Variants in SLC25A20 observed in about 807,000 individuals in gnomAD.
SLC25A20 encodes mitochondrial carnitine/acylcarnitine carrier protein.
SLC25A20 carries 29 observed loss-of-function variants against 39.7 expected under a neutral mutation model. That is an observed-to-expected ratio of 0.73 (90% CI 0.54 to 1.00). The LOEUF (loss-of-function observed/expected upper bound fraction) is 1.00, where lower values mean the gene tolerates loss of function less well. Ranked by LOEUF, SLC25A20 falls within the 50% of genes least tolerant of loss-of-function variation. SLC25A20 has a pLI of 0.00. For synonymous variants in SLC25A20, 103 were observed against 142.2 expected, an observed-to-expected ratio of 0.72 and a Z score of 1.96; for missense variants, 333 against 379.9, an observed-to-expected ratio of 0.88 and a Z score of 1.03.
At chr3:48,880,479 G>C (rs902660652) in intron 3 of SLC25A20, among the ~76,000 whole-genome samples, 2 of 149,818 alleles carry the variant, frequency 1.3e-5, no homozygotes, top group Non-Finnish European at 3.0e-5. Context: ...GTTTCACTAT[G>C]TTAGCTAAGA....
chr3:48,858,203 G>A (rs559099646), intron 8 of SLC25A20, among the ~76,000 whole-genome samples: 1 of 151,822 alleles, frequency 6.6e-6, no homozygotes. Context: ...CCTGACCTCA[G>A]ATGATCCACC....
chr3:48,898,592 G>T, intron 1 of SLC25A20, 98 bp downstream of exon 1: 1 of 1,067,302 alleles, frequency 9.4e-7, no homozygotes, highest in Non-Finnish European at 1.4e-6. Flanking sequence ...GCTCACACAT[G>T]CCCCTCTTCT....
chr3:48,861,386 C>T (rs943177789), intron 5 of SLC25A20, among the ~76,000 whole-genome samples: 2 of 152,104 alleles, frequency 1.3e-5, no homozygotes, highest in South Asian at 2.1e-4. Context: ...CTGCTCTGGG[C>T]CAAGCACTGG....
chr3:48,864,317 C>T (rs1172363695), intron 4 of SLC25A20, among the ~76,000 whole-genome samples: 1 of 129,146 alleles, frequency 7.7e-6, no homozygotes, highest in Non-Finnish European at 1.6e-5. Context: ...CACTGCACTC[C>T]AGCCTGGGTG....
intron 4 of SLC25A20, among the ~76,000 whole-genome samples, chr3:48,863,458 G>A (rs1034197124): frequency 1.3e-5 from 2 of 152,150 alleles, no homozygotes; most frequent in African/African-American, 4.8e-5. Flanking sequence ...GAGGGCCAAA[G>A]AGAGGCTCCT....
chr3:48,858,877 C>G (rs550035816), intron 7 of SLC25A20, among the ~76,000 whole-genome samples: 6 of 152,178 alleles, frequency 3.9e-5, no homozygotes, highest in Non-Finnish European at 5.9e-5. Flanking sequence ...GTGGACTTGA[C>G]TTCTTATCAC....
chr3:48,860,039 A>T (rs1316946334), intron 5 of SLC25A20, among the ~76,000 whole-genome samples: 1 of 152,212 alleles, frequency 6.6e-6, no homozygotes, highest in African/African-American at 2.4e-5. Context: ...ATAGTGGCTC[A>T]TGCCTTTAAT....
chr3:48,864,098 C>A (rs1290316371), intron 4 of SLC25A20, among the ~76,000 whole-genome samples: 2 of 151,826 alleles, frequency 1.3e-5, no homozygotes, highest in East Asian at 1.9e-4. Context: ...GTAATCCCAG[C>A]ACTTTGGGAG....
intron 1 of SLC25A20, among the ~76,000 whole-genome samples, chr3:48,892,550 T>C (rs2083884939): frequency 6.6e-6 from 1 of 152,144 alleles, no homozygotes; most frequent in African/African-American, 2.4e-5. Flanking sequence ...GTCGGCAAGT[T>C]TGAGACCCAA....
rs1184734139 is a variant in SLC25A20, at chr3:48,857,675, C to T, written c.*35G>A. 1 of 1,604,108 alleles carries T rather than the reference C, an allele frequency of 6.2e-7. No individual in the cohort carries two copies. The highest frequency in any genetic ancestry group is 8.5e-7 in the Non-Finnish European group (1 of 1,171,682). ...ACTCCTTCTCCTCAACGACAGCTTC[C>T]AGCATCCAGAAGTGAACTTGAGCAG... On this transcript the variant is annotated 3_prime_UTR_variant, in exon 9 of 9. Transcript: ENST00000319017.
At position 48,862,577 on chromosome 3, in the gene SLC25A20, C is replaced by A. The variant is rs747307799; in HGVS notation, c.500G>T (p.Gly167Val). 1 of 1,613,966 alleles carries A rather than the reference C, an allele frequency of 6.2e-7. No individual in the cohort carries two copies. The highest frequency in any genetic ancestry group is 1.1e-5 in the South Asian group (1 of 91,082). The change falls in exon 5 of 9, where the codon GGC becomes GTC. Residue 167 changes from glycine to valine, a missense_variant. Gly to Val is a moderately radical substitution (Grantham distance 109). Transcript: ENST00000319017. ...KKLYQEFGIR[G>V]IYKGTVLTLM... ...GGTAAGCACAGTCCCTTTGTAGATG[C>A]CTCGGATCCCAAACTCCTGGTACAG...
chr3:48,863,798 T>C (rs1312127303), intron 4 of SLC25A20, among the ~76,000 whole-genome samples: 6 of 132,580 alleles, frequency 4.5e-5, no homozygotes, highest in African/African-American at 8.6e-5. Context: ...GGGCAGATCA[T>C]GAGGTCAGGA....
intron 5 of SLC25A20, among the ~76,000 whole-genome samples, chr3:48,860,622 T>C (rs2083618982): frequency 6.7e-6 from 1 of 148,374 alleles, no homozygotes; most frequent in Non-Finnish European, 1.5e-5. Flanking sequence ...ATAATAATAA[T>C]ACAAAAAATA....
intron 1 of SLC25A20, 141 bp downstream of exon 1, chr3:48,898,549 C>A: frequency 2.3e-6 from 2 of 866,618 alleles, no homozygotes; most frequent in South Asian, 2.9e-5. Flanking sequence ...CTGCCCACCC[C>A]TGAAAGAGAG....
intron 4 of SLC25A20, among the ~76,000 whole-genome samples, chr3:48,877,490 G>A (rs1047257750): frequency 6.6e-6 from 1 of 152,044 alleles, no homozygotes; most frequent in Non-Finnish European, 1.5e-5. Context: ...CAGCACTTTG[G>A]GAGGCCGAGG....
Position 48,891,918 on chromosome 3 carries a change from G to T in SLC25A20, c.198+62C>A, listed in dbSNP as rs940877509. The T allele has an allele frequency of 7.6e-6, 10 of 1,317,846 alleles. No homozygotes were observed. The African/African-American group carries it at 1.3e-4, about 17-fold the overall frequency. 81.6% of individuals were successfully genotyped at this position (1,317,846 alleles called of 1,614,324 possible). A position where few individuals can be genotyped will look rare whatever the true frequency, so the allele number is the denominator to read the frequency against. ...CACAGTTAACCTACTCTCCTTGGGG[G>T]TAACAAATCAACCCCGTGAATGTGT... On this transcript the variant is annotated intron_variant, in intron 2 of 8. Coordinates refer to ENST00000319017, the MANE Select transcript of SLC25A20 (RefSeq NM_000387.6).
intron 1 of SLC25A20, among the ~76,000 whole-genome samples, chr3:48,897,824 C>T (rs2083921110): frequency 6.6e-6 from 1 of 152,190 alleles, no homozygotes; most frequent in East Asian, 1.9e-4. Flanking sequence ...CTGGCAATGA[C>T]TTGTCAATTT....
At position 48,860,634 on chromosome 3, in the gene SLC25A20, A is replaced by T. The variant is rs963776419; in HGVS notation, c.536-1007T>A. On this transcript the variant is annotated intron_variant, in intron 5 of 8. Transcript: ENST00000319017. ...AAAATAATAATAATACAAAAAATAC[A>T]AAAATTAGCCCGGCCTGGTGGCACA... is the stretch of plus-strand genomic sequence containing the variant. 5.7e-4 allele frequency among the ~76,000 whole-genome samples: 86 copies of T among 151,266 alleles called. 1 individual carries two copies. Among genetic ancestry groups the T allele is most frequent in the Admixed American group, 5.3e-4 (8 of 15,160 alleles).
intron 1 of SLC25A20, among the ~76,000 whole-genome samples, chr3:48,894,385 C>T (rs1369386950): frequency 2.0e-5 from 3 of 150,110 alleles, no homozygotes; most frequent in African/African-American, 7.3e-5. Context: ...CTCAGCCTCC[C>T]GCGTAGCTGG....
Sources: gnomAD v4.1 joint callset for allele counts (sites outside exome capture counted in the v4.1 genomes callset) on GRCh38, gnomAD v4.1.1 for gene constraint, MANE v1.5 for transcripts, NCBI Gene and HGNC (gene_info 2026-07-23, HGNC 2026-07-21) for gene names.